EBF2: variants seen among roughly 807,000 people sequenced by gnomAD.
The protein encoded by EBF2 is EBF transcription factor 2.
Under a neutral mutation model 72.8 loss-of-function variants are expected in EBF2, and 21 were observed. The ratio of observed to expected loss-of-function variants is 0.29; its 90% confidence interval spans 0.20 to 0.42. The LOEUF is 0.42. Among genes scored for constraint, EBF2 ranks in the 10% least tolerant of loss-of-function variants. The probability of loss-of-function intolerance (pLI) is 1.00; values close to 1 mark genes in which losing one functional copy is unlikely to be tolerated. For missense variants in EBF2, 637 were observed against 731.2 expected, an observed-to-expected ratio of 0.87 and a Z score of 1.49; for synonymous variants, 299 against 274.2, an observed-to-expected ratio of 1.09 and a Z score of -0.89.
intron 7 of EBF2, among the ~76,000 whole-genome samples, chr8:25,890,779 A>T (rs1395349716): frequency 6.6e-6 from 1 of 152,246 alleles, no homozygotes; most frequent in East Asian, 1.9e-4. Context: ...TGGATTTTTC[A>T]GATTAGGGAT....
chr8:25,895,567 C>A (rs1349023831), intron 7 of EBF2, among the ~76,000 whole-genome samples: 1 of 152,216 alleles, frequency 6.6e-6, no homozygotes, highest in Non-Finnish European at 1.5e-5. Flanking sequence ...AGTACGTTAG[C>A]AGTCTTCTAC....
At chr8:25,878,065 G>A (rs1321823375) in intron 10 of EBF2, among the ~76,000 whole-genome samples, 3 of 152,154 alleles carry the variant, frequency 2.0e-5, no homozygotes, top group Non-Finnish European at 4.4e-5. Flanking sequence ...AGAGGTCAGT[G>A]ACCGGATGAA....
intron 15 of EBF2, among the ~76,000 whole-genome samples, chr8:25,846,939 A>C (rs1400899253): frequency 6.6e-6 from 1 of 152,168 alleles, no homozygotes; most frequent in Non-Finnish European, 1.5e-5. Context: ...CCTTTGAACC[A>C]GGTGGAAAGT....
At chr8:26,019,035 T>TGCA (rs1805161714) in intron 6 of EBF2, among the ~76,000 whole-genome samples, 1 of 151,610 alleles carries the variant, frequency 6.6e-6, no homozygotes, top group African/African-American at 2.4e-5. Context: ...AGGATAGGTA[T>TGCA]GCATGATTTT....
chr8:25,846,181 CTT>C (rs946250464), intron 15 of EBF2, among the ~76,000 whole-genome samples: 8 of 152,174 alleles, frequency 5.3e-5, no homozygotes, highest in African/African-American at 1.9e-4. Context: ...TCCCTGATGA[CTT>C]AGAGATATAG....
chr8:25,998,949 C>G (rs1283212480), intron 6 of EBF2, among the ~76,000 whole-genome samples: 4 of 152,104 alleles, frequency 2.6e-5, no homozygotes, highest in African/African-American at 9.7e-5. Context: ...GCCAGCGCCA[C>G]TGAGTAACTA....
intron 6 of EBF2, among the ~76,000 whole-genome samples, chr8:25,969,689 G>T (rs1477670771): frequency 6.6e-6 from 1 of 152,184 alleles, no homozygotes; most frequent in Non-Finnish European, 1.5e-5. Context: ...TTGAGGCAGG[G>T]TTGTTCAAGG....
rs749791476 is a variant in EBF2, at chr8:25,898,055, C to A, written c.634-8186G>T. ...AAGTTTATAGGAAACATTGTCGCAG[C>A]CTTAAGGAGCTCACCCTACGGTGGA... On this transcript the variant is annotated intron_variant, in intron 7 of 15. Coordinates refer to ENST00000520164, the MANE Select transcript of EBF2 (RefSeq NM_022659.4). 3.3e-5 allele frequency among the ~76,000 whole-genome samples: 5 copies of A among 152,128 alleles called. No individual in the cohort carries two copies. In the South Asian group the frequency reaches 1.0e-3, roughly 32 times the overall value.
chr8:26,044,476 A>G lies in EBF2; in HGVS notation c.131+253T>C, dbSNP rs965090626. On this transcript the variant is annotated intron_variant, in intron 1 of 15. Transcript: ENST00000520164. The surrounding 1 kb of genome is among the most constrained non-coding windows in gnomAD (Gnocchi z 4.1). ...CTTTATTTTTCCTTGCAAAGAGTGGACTGTGGTAAAGGAGAGGGAGAGAAA... is the reference window on the plus strand; with the variant it reads ...CTTTATTTTTCCTTGCAAAGAGTGGGCTGTGGTAAAGGAGAGGGAGAGAAA... 1.3e-5 allele frequency among the ~76,000 whole-genome samples: 2 copies of G among 152,214 alleles called. No individual in the cohort carries two copies. The highest frequency in any genetic ancestry group is 4.8e-5 in the African/African-American group (2 of 41,444).
chr8:25,900,415 C>T (rs1802932820), intron 7 of EBF2, among the ~76,000 whole-genome samples: 1 of 152,078 alleles, frequency 6.6e-6, no homozygotes, highest in Non-Finnish European at 1.5e-5. Flanking sequence ...ACCAATATTG[C>T]ACCACTGCAC....
intron 6 of EBF2, among the ~76,000 whole-genome samples, chr8:25,919,805 GAA>G (rs1803279311): frequency 6.6e-6 from 1 of 152,174 alleles, no homozygotes; most frequent in Admixed American, 6.5e-5. Flanking sequence ...TCCTTATCTG[GAA>G]GGAGAACCCA....
At chr8:25,940,454 C>T (rs1275748565) in intron 6 of EBF2, among the ~76,000 whole-genome samples, 1 of 152,096 alleles carries the variant, frequency 6.6e-6, no homozygotes, top group Non-Finnish European at 1.5e-5. Context: ...ACTTTTCTTT[C>T]CAGGATCTCT....
chr8:26,005,103 G>A (rs1464593075), intron 6 of EBF2, among the ~76,000 whole-genome samples: 2 of 146,670 alleles, frequency 1.4e-5, no homozygotes, highest in Non-Finnish European at 3.0e-5. Context: ...AAATTAAAGT[G>A]CAGAATTTTC....
At chr8:25,922,102 G>T (rs184382248) in intron 6 of EBF2, among the ~76,000 whole-genome samples, 1 of 152,002 alleles carries the variant, frequency 6.6e-6, no homozygotes, top group African/African-American at 2.4e-5. Flanking sequence ...ATGTAAATGG[G>T]GCAGATTCAT....
At chr8:25,972,051 C>G (rs1240922870) in intron 6 of EBF2, among the ~76,000 whole-genome samples, 1 of 152,210 alleles carries the variant, frequency 6.6e-6, no homozygotes, top group African/African-American at 2.4e-5. Context: ...CTGGCTCCAG[C>G]TGACAAGAGA....
intron 6 of EBF2, among the ~76,000 whole-genome samples, chr8:25,960,586 T>C (rs1277280150): frequency 6.6e-6 from 1 of 152,178 alleles, no homozygotes; most frequent in Non-Finnish European, 1.5e-5. Context: ...CCAGTTACTA[T>C]ACATTTCCTG....
At chr8:26,015,898 C>G (rs532662826) in intron 6 of EBF2, among the ~76,000 whole-genome samples, 1 of 152,282 alleles carries the variant, frequency 6.6e-6, no homozygotes, top group South Asian at 2.1e-4. Flanking sequence ...GTGGTGCCTC[C>G]CCAGCACCAC....
rs773162764 is a variant in EBF2, at chr8:25,861,207, G to C, written c.1184C>G (p.Ala395Gly). 10 of 1,613,072 alleles carry C rather than the reference G, an allele frequency of 6.2e-6. No individual in the cohort carries two copies. Among genetic ancestry groups the C allele is most frequent in the Admixed American group, 1.7e-5 (1 of 59,930 alleles). The part of the protein sequence containing the change: ...HNNQDIILKR[A>G]ADIAEALYSV... Reference sequence around the variant, plus strand: ...GTAGAGAGCTTCAGCAATGTCTGCGGCTCGCTTCAAAATGATGTCCTACAA... The same window carrying C: ...GTAGAGAGCTTCAGCAATGTCTGCGCCTCGCTTCAAAATGATGTCCTACAA... Residue 395 changes from alanine (A) to glycine (G), a missense_variant, in exon 13 of 16, where the codon GCC becomes GGC. By Grantham distance (60) the Ala-to-Gly change is moderately conservative. Coordinates refer to ENST00000520164, the MANE Select transcript of EBF2 (RefSeq NM_022659.4).
At chr8:26,032,449 T>G (rs1182474672) in intron 6 of EBF2, 1 of 151,900 alleles carries the variant, frequency 6.6e-6, no homozygotes, top group Non-Finnish European at 1.5e-5. Context: ...AAAAATTACA[T>G]GATTTCTGGA....
Sources: gnomAD v4.1 joint callset for allele counts (sites outside exome capture counted in the v4.1 genomes callset) on GRCh38, gnomAD v4.1.1 for gene constraint, Gnocchi (gnomAD v3.1) non-coding constraint, MANE v1.5 for transcripts, NCBI Gene and HGNC (gene_info 2026-07-23, HGNC 2026-07-21) for gene names.